The following NEDD9 variants were observed in gnomAD, a reference collection of about 807,000 sequenced individuals.
NEDD9 encodes the protein neural precursor cell expressed, developmentally down-regulated 9, also known as enhancer of filamentation 1.
A neutral mutation model predicts 76.6 loss-of-function variants in NEDD9; 26 were observed. The observed-to-expected ratio is 0.34, with a 90% CI of 0.25 to 0.47. NEDD9 has a LOEUF of 0.47. NEDD9 is among the 20% of genes least tolerant of loss of function. NEDD9 has a pLI of 1.00. For synonymous variants in NEDD9, 392 were observed against 414.2 expected (o/e 0.95, Z 0.65); for missense variants, 937 against 1,058.5 (o/e 0.89, Z 1.59).
rs543672776 is a variant in NEDD9 at position 11,307,852 on chromosome 6, T to C, written c.-152-1697A>G. On this transcript the variant is annotated intron_variant, in intron 2 of 3. Coordinates refer to the NEDD9 transcript ENST00000397378. ...TTTCCCATTAAGGTGGTACTACCCT[T>C]ACCCCATGCACCGGGGTCTCTGTGT... 1.1e-4 allele frequency among the ~76,000 whole-genome samples: 17 copies of C among 152,230 alleles called. No individual in the cohort carries two copies. In the East Asian group the frequency reaches 2.9e-3, roughly 26 times the overall value.
intron 2 of NEDD9, among the ~76,000 whole-genome samples, chr6:11,195,466 T>G (rs1435823236): frequency 2.6e-5 from 4 of 152,168 alleles, no homozygotes; most frequent in Non-Finnish European, 4.4e-5. Context: ...TTGTTTTTTT[T>G]TTTTTACTCG....
chr6:11,260,170 T>C (rs1760080233), intron 3 of NEDD9, among the ~76,000 whole-genome samples: 2 of 152,178 alleles, frequency 1.3e-5, no homozygotes, highest in African/African-American at 4.8e-5. Flanking sequence ...CCTAGCATCA[T>C]TGGCCATATA....
intron 5 of NEDD9, among the ~76,000 whole-genome samples, chr6:11,189,339 A>G (rs892643470): frequency 7.2e-5 from 11 of 152,284 alleles, no homozygotes; most frequent in African/African-American, 2.6e-4. Context: ...TAGGAGGCCA[A>G]CTGTGACTAT....
At chr6:11,196,028 G>C (rs1440426446) in intron 2 of NEDD9, among the ~76,000 whole-genome samples, 1 of 152,010 alleles carries the variant, frequency 6.6e-6, no homozygotes, top group Non-Finnish European at 1.5e-5. Flanking sequence ...AAACAGGCTG[G>C]GCGTGGTGGC....
At chr6:11,373,710 G>A (rs192115501) in intron 1 of NEDD9, among the ~76,000 whole-genome samples, 14 of 152,242 alleles carry the variant, frequency 9.2e-5, no homozygotes, top group Non-Finnish European at 1.3e-4. Context: ...TTAATTTTAC[G>A]TGTTAACTTG....
intron 2 of NEDD9, among the ~76,000 whole-genome samples, chr6:11,321,830 G>C (rs1761812532): frequency 6.6e-6 from 1 of 152,192 alleles, no homozygotes; most frequent in Admixed American, 6.5e-5. Flanking sequence ...CTCTAGCGAA[G>C]GCCAAGGATT....
At chr6:11,229,718 A>G (rs1055560950) in intron 1 of NEDD9, among the ~76,000 whole-genome samples, 1 of 152,252 alleles carries the variant, frequency 6.6e-6, no homozygotes, top group Non-Finnish European at 1.5e-5. Context: ...AAAATTAAGT[A>G]CGTATGACAG....
intron 2 of NEDD9, chr6:11,199,047 G>C (rs1054498379): frequency 6.6e-6 from 1 of 152,228 alleles, no homozygotes; most frequent in African/African-American, 2.4e-5. Flanking sequence ...AGTTGAGCTC[G>C]TATGTGACAT....
chr6:11,264,869 G>GTTTC (rs138679710), intron 3 of NEDD9, among the ~76,000 whole-genome samples: 33,581 of 152,026 alleles, frequency 0.22, 4,133 homozygotes, highest in African/African-American at 0.34. Flanking sequence ...TTGTTTGTTT[G>GTTTC]TTTCTTTTTT....
Position 11,252,322 on chromosome 6 carries a change from G to A in NEDD9, c.13-38595C>T, listed in dbSNP as rs1173070881. On this transcript the variant is annotated intron_variant, in intron 3 of 3. Coordinates refer to the NEDD9 transcript ENST00000397378. The surrounding 1 kb of genome is among the most constrained non-coding windows in gnomAD (Gnocchi z 4.3). ...AAAAATTGAGAAGAGTTATTGGAGG[G>A]TCTAAGAGGATGCCAGTCAAGCAAA... Among the ~76,000 whole-genome samples, 1 of 152,108 alleles carries A rather than the reference G, an allele frequency of 6.6e-6. No homozygotes were observed. Among genetic ancestry groups the A allele is most frequent in the Non-Finnish European group, 1.5e-5 (1 of 68,026 alleles).
intron 2 of NEDD9, 91 bp from the exon 3 acceptor site, chr6:11,193,783 C>A: frequency 1.3e-6 from 1 of 753,592 alleles, no homozygotes; most frequent in Non-Finnish European, 2.2e-6. Flanking sequence ...CCTCAACTCT[C>A]CCTCATAAAA....
upstream of NEDD9, among the ~76,000 whole-genome samples, chr6:11,234,389 C>A (rs1007880298): frequency 6.6e-6 from 1 of 152,164 alleles, no homozygotes; most frequent in Non-Finnish European, 1.5e-5. Context: ...GATAACATTC[C>A]TTTGGCTTCC....
intron 1 of NEDD9, among the ~76,000 whole-genome samples, chr6:11,340,721 A>C (rs1762257037): frequency 6.6e-6 from 1 of 152,246 alleles, no homozygotes; most frequent in Admixed American, 6.5e-5. Flanking sequence ...TTGCAAGTTT[A>C]GTCAATAGAT....
At chr6:11,188,426 A>G in intron 5 of NEDD9, 119 bp from the exon 6 acceptor site, 1 of 878,876 alleles carries the variant, frequency 1.1e-6, no homozygotes, top group African/African-American at 1.7e-5. Flanking sequence ...AACATCTCAA[A>G]TGCCCAGTGA....
chr6:11,314,568 C>T (rs1761488322), intron 2 of NEDD9, among the ~76,000 whole-genome samples: 1 of 152,172 alleles, frequency 6.6e-6, no homozygotes, highest in South Asian at 2.1e-4. Flanking sequence ...AGCCTAGGTT[C>T]CTGATTTCCT....
chr6:11,286,071 GA>G (rs1284772091), intron 3 of NEDD9, among the ~76,000 whole-genome samples: 1 of 152,142 alleles, frequency 6.6e-6, no homozygotes, highest in Non-Finnish European at 1.5e-5. Flanking sequence ...GACACTGGCG[GA>G]AAATGTTTAC....
chr6:11,277,930 C>T (rs954584301), intron 3 of NEDD9, among the ~76,000 whole-genome samples: 11 of 152,218 alleles, frequency 7.2e-5, no homozygotes, highest in African/African-American at 2.6e-4. Flanking sequence ...TTTGCCTTGC[C>T]TTGCCTCTTG....
chr6:11,347,980 T>C (rs900109253), intron 1 of NEDD9, among the ~76,000 whole-genome samples: 3 of 152,106 alleles, frequency 2.0e-5, no homozygotes, highest in Admixed American at 6.5e-5. Context: ...GGCATCCAAA[T>C]AGGAAGAGAG....
At chr6:11,193,557 G>A (rs544881860) in intron 3 of NEDD9, 34 bp downstream of exon 3, 43 of 1,513,110 alleles carry the variant, frequency 2.8e-5, no homozygotes, top group South Asian at 2.7e-4. Flanking sequence ...CCTTAGAAGC[G>A]CTTCTCCTCT....
Sources: allele counts gnomAD v4.1 joint callset (sites outside exome capture counted in the v4.1 genomes callset), GRCh38; gene constraint gnomAD v4.1.1; non-coding constraint Gnocchi (gnomAD v3.1); transcripts MANE v1.5; gene names NCBI Gene and HGNC (gene_info 2026-07-23, HGNC 2026-07-21).